The following STK32A variants were observed in gnomAD, a reference collection of about 807,000 sequenced individuals.
STK32A encodes serine/threonine kinase 32A.
STK32A carries 41 observed loss-of-function variants against 53.2 expected under a neutral mutation model. That is an observed-to-expected ratio of 0.77 (90% confidence interval 0.60 to 1.00). The LOEUF (loss-of-function observed/expected upper bound fraction) is 1.00. Among genes scored for constraint, STK32A ranks in the 50% least tolerant of loss-of-function variants. The pLI is 0.00. For synonymous variants in STK32A, 166 were observed against 162.8 expected (o/e 1.02, Z -0.15); for missense variants, 458 against 485.8 (o/e 0.94, Z 0.54).
the STK32A span, chr5:147,397,730 C>T: frequency 6.2e-7 from 1 of 1,614,114 alleles, no homozygotes; most frequent in Non-Finnish European, 8.5e-7. Flanking sequence ...TATGAAGCGG[C>T]CAGCCCCCTG....
At chr5:147,377,624 C>T (rs932889301) in intron 11 of STK32A, among the ~76,000 whole-genome samples, 2 of 152,132 alleles carry the variant, frequency 1.3e-5, no homozygotes, top group African/African-American at 4.8e-5. Flanking sequence ...TTAGCGACTT[C>T]TCCAAACAAT....
chr5:147,303,975 T>C (rs1753270480), intron 4 of STK32A, among the ~76,000 whole-genome samples: 1 of 152,166 alleles, frequency 6.6e-6, no homozygotes, highest in Non-Finnish European at 1.5e-5. Flanking sequence ...CATCCTTTAT[T>C]GAAAACAACG....
At chr5:147,249,308 T>C (rs967629741) in intron 2 of STK32A, among the ~76,000 whole-genome samples, 17 of 152,150 alleles carry the variant, frequency 1.1e-4, no homozygotes, top group Non-Finnish European at 5.9e-5. Flanking sequence ...ATCTGTCTCA[T>C]AGTTTTTGTG....
chr5:147,372,714 G>C (rs1355754258), intron 9 of STK32A, among the ~76,000 whole-genome samples: 1 of 152,112 alleles, frequency 6.6e-6, no homozygotes, highest in Non-Finnish European at 1.5e-5. Context: ...ATTTTAATTA[G>C]TTGTAAAAAC....
chr5:147,384,558 A>G lies in STK32A; in HGVS notation c.*575A>G. 1.3e-6 allele frequency: 1 copy of G among 785,384 alleles called. No individual in the cohort carries two copies. Among genetic ancestry groups the G allele is most frequent in the Non-Finnish European group, 2.0e-6 (1 of 495,050 alleles). 48.7% of individuals were successfully genotyped at this position (785,384 alleles called of 1,614,324 possible). A position where few individuals can be genotyped will look rare whatever the true frequency, so the allele number is the denominator to read the frequency against. On this transcript the variant is annotated 3_prime_UTR_variant, in exon 13 of 13. Coordinates refer to ENST00000397936, the MANE Select transcript of STK32A (RefSeq NM_001112724.2). Reference sequence around the variant, plus strand: ...GGCCTTCCAGTGATATGCGTGAATCAGCATTAGATCCGCTTATCTCAGCTG... The same window carrying G: ...GGCCTTCCAGTGATATGCGTGAATCGGCATTAGATCCGCTTATCTCAGCTG...
At chr5:147,263,786 G>A (rs1754688430) in intron 2 of STK32A, among the ~76,000 whole-genome samples, 1 of 75,866 alleles carries the variant, frequency 1.3e-5, no homozygotes, top group East Asian at 2.9e-4. Context: ...AAAATGGAAG[G>A]GGGCAATAAT....
chr5:147,299,802 C>T (rs372785763), intron 4 of STK32A, among the ~76,000 whole-genome samples: 2 of 152,116 alleles, frequency 1.3e-5, no homozygotes, highest in African/African-American at 4.8e-5. Flanking sequence ...GTTAAAGTAA[C>T]GTAAGCTATT....
Position 147,281,390 on chromosome 5 carries a change from AATAG to A in STK32A, c.260+1997_260+2000del, listed in dbSNP as rs570244836. On this transcript the variant is annotated intron_variant, in intron 4 of 12. Coordinates refer to ENST00000397936, the MANE Select transcript of STK32A (RefSeq NM_001112724.2). ...AAGTGAAGGGAGAAATATTCAAGCA[AATAG>A]ATAGCTTAAAGAAAAAACAATACAA... Among the ~76,000 whole-genome samples the A allele has an allele frequency of 3.8e-3, 578 of 152,286 alleles. 2 individuals are homozygous for A. Among genetic ancestry groups the A allele is most frequent in the African/African-American group, 8.7e-3 (362 of 41,558 alleles).
intron 7 of STK32A, among the ~76,000 whole-genome samples, chr5:147,353,375 A>T (rs917137390): frequency 2.0e-5 from 3 of 152,212 alleles, no homozygotes; most frequent in African/African-American, 7.2e-5. Context: ...TTATTAGGCA[A>T]CAGACTGAGA....
intron 2 of STK32A, among the ~76,000 whole-genome samples, chr5:147,244,615 T>C (rs1305316885): frequency 6.6e-6 from 1 of 152,202 alleles, no homozygotes; most frequent in Non-Finnish European, 1.5e-5. Context: ...TATAGCCTGG[T>C]CAACCATTAT....
intron 4 of STK32A, among the ~76,000 whole-genome samples, chr5:147,314,483 A>G (rs1753861112): frequency 1.5e-5 from 2 of 134,150 alleles, no homozygotes; most frequent in African/African-American, 5.7e-5. Context: ...GGGCAACAAG[A>G]GCGAAACTCC....
intron 5 of STK32A, among the ~76,000 whole-genome samples, chr5:147,327,549 T>G (rs1219255425): frequency 6.6e-6 from 1 of 152,222 alleles, no homozygotes; most frequent in East Asian, 1.9e-4. Flanking sequence ...GATTCAAAAT[T>G]ACCCGTAAAC....
chr5:147,255,265 T>G (rs567642439), intron 2 of STK32A, among the ~76,000 whole-genome samples: 1 of 152,316 alleles, frequency 6.6e-6, no homozygotes, highest in South Asian at 2.1e-4. Context: ...TTTTCAAACT[T>G]TTTTTTAATA....
At chr5:147,239,719 T>C (rs1252669637) in intron 2 of STK32A, 33 bp downstream of exon 2, 6 of 1,553,684 alleles carry the variant, frequency 3.9e-6, no homozygotes, top group Non-Finnish European at 5.3e-6. Context: ...ATATAAAAAA[T>C]AGAATTTTGC....
chr5:147,245,643 A>T (rs961987709), intron 2 of STK32A, among the ~76,000 whole-genome samples: 6 of 152,232 alleles, frequency 3.9e-5, no homozygotes, highest in African/African-American at 1.4e-4. Context: ...AAGAATGTAA[A>T]GGTGATAAAG....
intron 4 of STK32A, among the ~76,000 whole-genome samples, chr5:147,288,549 A>T (rs1021885823): frequency 2.0e-5 from 3 of 152,078 alleles, no homozygotes; most frequent in Non-Finnish European, 4.4e-5. Context: ...TGCTTTGGGG[A>T]GGACTCAGGA....
intron 7 of STK32A, among the ~76,000 whole-genome samples, chr5:147,357,015 A>G (rs2073652265): frequency 6.6e-6 from 1 of 152,210 alleles, no homozygotes; most frequent in South Asian, 2.1e-4. Flanking sequence ...TTCTCACCAC[A>G]GAAAACAGTA....
chr5:147,318,318 A>G (rs1754117230), intron 4 of STK32A, among the ~76,000 whole-genome samples: 1 of 152,220 alleles, frequency 6.6e-6, no homozygotes, highest in Non-Finnish European at 1.5e-5. Flanking sequence ...AAAATGCTGT[A>G]TAATCTGTAG....
intron 4 of STK32A, among the ~76,000 whole-genome samples, chr5:147,290,374 G>A (rs1322511512): frequency 1.3e-5 from 2 of 152,124 alleles, no homozygotes; most frequent in Non-Finnish European, 2.9e-5. Context: ...GTCTTCAAAT[G>A]TAGGCCATGT....
Sources: gnomAD v4.1 joint callset for allele counts (sites outside exome capture counted in the v4.1 genomes callset) on GRCh38, gnomAD v4.1.1 for gene constraint, MANE v1.5 for transcripts, NCBI Gene and HGNC (gene_info 2026-07-23, HGNC 2026-07-21) for gene names.